RYR3: variants seen among roughly 807,000 people sequenced by gnomAD.
RYR3 encodes brain ryanodine receptor-calcium release channel.
Under a neutral mutation model 584.3 loss-of-function variants are expected in RYR3, and 207 were observed. The ratio of observed to expected loss-of-function variants is 0.35; its 90% confidence interval spans 0.32 to 0.40. The LOEUF (loss-of-function observed/expected upper bound fraction) is 0.40. RYR3 is among the 10% of genes least tolerant of loss of function. The probability of loss-of-function intolerance (pLI) is 1.00; values close to 1 mark genes in which losing one functional copy is unlikely to be tolerated. For synonymous variants in RYR3, 2,416 were observed against 2,248.5 expected (o/e 1.07, Z -2.11); for missense variants, 5,616 against 6,089.2 (o/e 0.92, Z 2.59).
At chr15:33,501,059 G>GTTTA (rs2051939863) in intron 2 of RYR3, among the ~76,000 whole-genome samples, 1 of 152,178 alleles carries the variant, frequency 6.6e-6, no homozygotes, top group African/African-American at 2.4e-5. Flanking sequence ...CAGAAACTAA[G>GTTTA]CTGCCAGGAA....
Position 33,746,094 on chromosome 15 carries a change from T to C in RYR3, c.7926T>C (p.Ile2642=). ...GTCAGAGTGGATGGAAATATGGGATTTCCCTGGATGAAAATGTGAAGACCC... is the reference window on the plus strand; with the variant it reads ...GTCAGAGTGGATGGAAATATGGGATCTCCCTGGATGAAAATGTGAAGACCC... ...DKSQSGWKYG[I]SLDENVKTHP... Residue 2642 remains isoleucine (I), a synonymous_variant, in exon 53 of 104, where the codon ATT becomes ATC. Transcript: ENST00000634891. 6.2e-7 allele frequency: 1 copy of C among 1,600,090 alleles called. No individual in the cohort carries two copies. Among genetic ancestry groups the C allele is most frequent in the Non-Finnish European group, 8.5e-7 (1 of 1,173,246 alleles).
chr15:33,860,395 T>C (rs1567353603), intron 100 of RYR3, among the ~76,000 whole-genome samples, 200 bp from the exon 101 acceptor site: 1 of 152,084 alleles, frequency 6.6e-6, no homozygotes, highest in Non-Finnish European at 1.5e-5. Context: ...CACTGCATGG[T>C]GTAGAAAGGT....
chr15:33,811,621 T>TTACAAAGAGTA (rs2076553939), intron 72 of RYR3, among the ~76,000 whole-genome samples: 1 of 151,306 alleles, frequency 6.6e-6, no homozygotes, highest in African/African-American at 2.4e-5. Flanking sequence ...ACAAAGAGGA[T>TTACAAAGAGTA]TACAAAGAGG....
intron 102 of RYR3, among the ~76,000 whole-genome samples, chr15:33,863,026 T>C (rs1248362312): frequency 2.6e-5 from 4 of 152,214 alleles, no homozygotes; most frequent in African/African-American, 9.6e-5. Flanking sequence ...AATGAGCCCA[T>C]GGCCACGTGT....
At chr15:33,795,650 TCCCA>T (rs1429575026) in intron 67 of RYR3, among the ~76,000 whole-genome samples, 15 of 152,184 alleles carry the variant, frequency 9.9e-5, no homozygotes, top group Non-Finnish European at 1.8e-4. Context: ...CACCTTGGCC[TCCCA>T]AAGTGCTGAG....
chr15:33,365,498 T>C (rs144961363), intron 1 of RYR3, among the ~76,000 whole-genome samples: 278 of 152,204 alleles, frequency 1.8e-3, no homozygotes, highest in African/African-American at 6.4e-3. Context: ...CCAGACAAGA[T>C]ACTAGGATAG....
chr15:33,775,337 G>GATCTCGGTGGTCGCCGTATCATTAAAA (rs2073924347), intron 64 of RYR3, among the ~76,000 whole-genome samples: 1 of 152,170 alleles, frequency 6.6e-6, no homozygotes, highest in African/African-American at 2.4e-5. Context: ...CGGGAGTGGA[G>GATCTCGGTGGTCGCCGTATCATTAAAA]AAGGATGTGT....
At chr15:33,377,564 T>A (rs1459951883) in intron 1 of RYR3, among the ~76,000 whole-genome samples, 2 of 152,190 alleles carry the variant, frequency 1.3e-5, no homozygotes, top group Non-Finnish European at 2.9e-5. Flanking sequence ...TCCGATAACT[T>A]TCATATGCAA....
intron 2 of RYR3, among the ~76,000 whole-genome samples, chr15:33,486,392 T>A (rs1166416613): frequency 6.6e-6 from 1 of 152,168 alleles, no homozygotes; most frequent in Non-Finnish European, 1.5e-5. Context: ...CGTGGCTTTT[T>A]TCTCTGTGCA....
At chr15:33,484,404 C>T (rs1481428665) in intron 2 of RYR3, among the ~76,000 whole-genome samples, 1 of 152,078 alleles carries the variant, frequency 6.6e-6, no homozygotes, top group Non-Finnish European at 1.5e-5. Context: ...TTAATTTCCT[C>T]TCTAATAGAT....
At chr15:33,683,087 C>A (rs1177130112) in intron 38 of RYR3, among the ~76,000 whole-genome samples, 1 of 151,942 alleles carries the variant, frequency 6.6e-6, no homozygotes, top group Admixed American at 6.6e-5. Flanking sequence ...CTCCGCCTCC[C>A]GGGTTCATGC....
chr15:33,840,687 G>A (rs2078304006), intron 89 of RYR3, 138 bp from the exon 90 acceptor site: 2 of 734,476 alleles, frequency 2.7e-6, no homozygotes, highest in Non-Finnish European at 4.7e-6. Flanking sequence ...GGACACTTAT[G>A]TTCAGTGATC....
At chr15:33,359,910 C>T (rs367721438) in intron 1 of RYR3, among the ~76,000 whole-genome samples, 210 of 151,840 alleles carry the variant, frequency 1.4e-3, no homozygotes, top group African/African-American at 4.7e-3. Context: ...CGTGAGCCAC[C>T]GGGCCCGGCC....
chr15:33,818,596 G>A lies in RYR3; in HGVS notation c.10618G>A (p.Glu3540Lys), dbSNP rs375755420. Residue 3540 changes from glutamate (E) to lysine (K), a missense_variant, in exon 76 of 104, where the codon GAG (glutamate) becomes AAG (lysine). Physicochemically the swap from Glu to Lys is moderately conservative, Grantham distance 56. Coordinates refer to ENST00000634891, the MANE Select transcript of RYR3 (RefSeq NM_001036.6). The stretch of plus-strand genomic sequence containing the variant: ...TGTGTAGAAATCTCCAAAGGTGGAA[G>A]AGGAGGAGGAGGAAGAGACAGAAAA... ...QDLAKSPKVE[E>K]EEEEETEKQP... The A allele has an allele frequency of 3.1e-6, 5 of 1,601,788 alleles. No homozygotes were observed. Among genetic ancestry groups the A allele is most frequent in the Non-Finnish European group, 4.3e-6 (5 of 1,169,738 alleles).
At chr15:33,502,343 C>G (rs1456095309) in intron 2 of RYR3, among the ~76,000 whole-genome samples, 7 of 152,096 alleles carry the variant, frequency 4.6e-5, no homozygotes, top group Admixed American at 6.5e-5. Context: ...GTTGTCGGAG[C>G]CTTAGTAACA....
At chr15:33,325,769 CCTTCCTTCTTTCT>C (rs1295267497) in intron 1 of RYR3, among the ~76,000 whole-genome samples, 1 of 111,840 alleles carries the variant, frequency 8.9e-6, no homozygotes, top group African/African-American at 3.9e-5. Context: ...TTCCTTCCTT[CCTTCCTTCTTTCT>C]TTTCTTTTCT....
At chr15:33,363,865 T>G (rs1481011590) in intron 1 of RYR3, among the ~76,000 whole-genome samples, 1 of 152,146 alleles carries the variant, frequency 6.6e-6, no homozygotes, top group Non-Finnish European at 1.5e-5. Context: ...AAAATTTTAT[T>G]TAATTTTAAT....
Position 33,818,639 on chromosome 15 carries a change from A to G in RYR3, c.10661A>G (p.His3554Arg). Residue 3554 changes from histidine (H) to arginine (R), a missense_variant, in exon 76 of 104, where the codon CAT (histidine) becomes CGT (arginine). By Grantham distance (29) the His-to-Arg change is conservative. Around this residue, in one of 9 missense-constraint regions of RYR3, gnomAD observed 954 missense variants for 1,132.2 expected, o/e 0.84. Coordinates refer to ENST00000634891, the MANE Select transcript of RYR3 (RefSeq NM_001036.6). ...ACAGAAAAACAACCTGACCCACTAC[A>G]TCAGATCATTCTCTATTTTAGCCGC... ...EETEKQPDPL[H>R]QIILYFSRNA... 1 of 1,614,014 alleles carries G rather than the reference A, an allele frequency of 6.2e-7. No homozygotes were observed. The highest frequency in any genetic ancestry group is 1.1e-5 in the South Asian group (1 of 91,080).
chr15:33,546,806 A>T (rs937667747), intron 8 of RYR3, among the ~76,000 whole-genome samples: 20 of 146,180 alleles, frequency 1.4e-4, no homozygotes, highest in African/African-American at 5.0e-4. Flanking sequence ...ACTTCTCCAG[A>T]AAAAAAAAAT....
Sources: allele counts gnomAD v4.1 joint callset (sites outside exome capture counted in the v4.1 genomes callset), GRCh38; gene constraint gnomAD v4.1.1; regional missense constraint gnomAD v4.1.1; transcripts MANE v1.5; gene names NCBI Gene and HGNC (gene_info 2026-07-23, HGNC 2026-07-21).